Variants in CORIN observed in about 807,000 individuals in gnomAD.
The protein encoded by CORIN is corin, serine peptidase.
In CORIN, 117 loss-of-function variants were observed where a neutral mutation model predicts 125.3. The observed-to-expected ratio is 0.93, with a 90% CI of 0.80 to 1.09. CORIN has a LOEUF of 1.09. Among genes scored for constraint, CORIN ranks in the 50% least tolerant of loss-of-function variants. The probability of loss-of-function intolerance (pLI) is 0.00; values close to 1 mark genes in which losing one functional copy is unlikely to be tolerated. For missense variants in CORIN, 1,253 were observed against 1,306.7 expected, an observed-to-expected ratio of 0.96 and a Z score of 0.63; for synonymous variants, 450 against 466.4, an observed-to-expected ratio of 0.96 and a Z score of 0.45.
At chr4:47,761,844 T>C (rs1339338988) in intron 4 of CORIN, among the ~76,000 whole-genome samples, 1 of 152,074 alleles carries the variant, frequency 6.6e-6, no homozygotes, top group Admixed American at 6.5e-5. Context: ...TATTGTATTC[T>C]TAGCTGGTCA....
intron 3 of CORIN, among the ~76,000 whole-genome samples, chr4:47,764,165 T>A (rs1372942011): frequency 6.6e-6 from 1 of 152,242 alleles, no homozygotes; most frequent in Non-Finnish European, 1.5e-5. Context: ...CAACGGATGA[T>A]GCTCATAATA....
intron 13 of CORIN, among the ~76,000 whole-genome samples, chr4:47,650,587 T>C (rs1723693933): frequency 6.6e-6 from 1 of 152,234 alleles, no homozygotes; most frequent in Non-Finnish European, 1.5e-5. Flanking sequence ...TCCTTAGCTC[T>C]CCTTTCTTTG....
At chr4:47,641,855 T>C (rs1723242076) in intron 16 of CORIN, 65 bp downstream of exon 16, 10 of 1,573,478 alleles carry the variant, frequency 6.4e-6, no homozygotes, top group Middle Eastern at 1.7e-4. Context: ...CTAAGGAAGA[T>C]ATTACTGCCA....
intron 5 of CORIN, among the ~76,000 whole-genome samples, chr4:47,725,467 A>G (rs985074350): frequency 6.6e-6 from 1 of 152,144 alleles, no homozygotes; most frequent in Admixed American, 6.5e-5. Context: ...AAATAGACCC[A>G]CGAGAATAAG....
At chr4:47,729,849 TGGCAGAGAAAGA>T (rs1727782902) in intron 5 of CORIN, among the ~76,000 whole-genome samples, 1 of 152,078 alleles carries the variant, frequency 6.6e-6, no homozygotes, top group African/African-American at 2.4e-5. Flanking sequence ...CGGAATAACT[TGGCAGAGAAAGA>T]GAGAAGAGAG....
intron 5 of CORIN, among the ~76,000 whole-genome samples, chr4:47,734,703 G>C (rs925525525): frequency 6.6e-6 from 1 of 152,134 alleles, no homozygotes; most frequent in Non-Finnish European, 1.5e-5. Flanking sequence ...CCTGGACCAC[G>C]GTTTCTCAAA....
At chr4:47,669,821 G>A (rs149885182) in intron 10 of CORIN, among the ~76,000 whole-genome samples, 5,265 of 151,990 alleles carry the variant, frequency 0.035, 284 homozygotes, top group African/African-American at 0.12. Context: ...TGCCCGCCTC[G>A]GCCTCCCAAA....
chr4:47,612,268 A>T (rs909320521), intron 19 of CORIN, among the ~76,000 whole-genome samples: 8 of 151,876 alleles, frequency 5.3e-5, no homozygotes, highest in African/African-American at 1.9e-4. Flanking sequence ...GTGTCACATC[A>T]CAAGCCCTGC....
At chr4:47,731,062 T>C (rs1276685809) in intron 5 of CORIN, among the ~76,000 whole-genome samples, 3 of 151,946 alleles carry the variant, frequency 2.0e-5, no homozygotes, top group African/African-American at 4.8e-5. Context: ...ACCACTAAAA[T>C]TTACAGACAA....
chr4:47,651,324 A>T (rs1723722580), intron 13 of CORIN, among the ~76,000 whole-genome samples: 1 of 152,276 alleles, frequency 6.6e-6, no homozygotes, highest in Non-Finnish European at 1.5e-5. Context: ...GGTGAAACCC[A>T]GCTTTGCTGG....
intron 5 of CORIN, chr4:47,706,330 C>T (rs1726547693): frequency 6.9e-7 from 1 of 1,458,334 alleles, no homozygotes; most frequent in Admixed American, 1.7e-5. Flanking sequence ...AAACTACCAA[C>T]TTTTGCCTTT....
intron 11 of CORIN, 118 bp downstream of exon 11, chr4:47,664,914 T>C (rs1399153173): frequency 4.1e-5 from 25 of 606,170 alleles, no homozygotes; most frequent in Middle Eastern, 6.5e-4. Context: ...AAATATAAAG[T>C]ATTTGATAAA....
chr4:47,776,537 A>C (rs568381299), intron 3 of CORIN, among the ~76,000 whole-genome samples: 2 of 152,380 alleles, frequency 1.3e-5, no homozygotes, highest in East Asian at 3.9e-4. Flanking sequence ...AACAGCCATC[A>C]GGACATCATA....
At chr4:47,603,945 A>G (rs1721548170) in intron 19 of CORIN, among the ~76,000 whole-genome samples, 1 of 152,198 alleles carries the variant, frequency 6.6e-6, no homozygotes, top group African/African-American at 2.4e-5. Flanking sequence ...TACTTGCTTC[A>G]CAGAATGAGC....
At chr4:47,709,091 C>T (rs1009353702) in intron 5 of CORIN, among the ~76,000 whole-genome samples, 2 of 152,036 alleles carry the variant, frequency 1.3e-5, no homozygotes, top group Non-Finnish European at 1.5e-5. Flanking sequence ...TTCCATTTGT[C>T]GTTAACAACC....
At chr4:47,724,710 C>T (rs908420253) in intron 5 of CORIN, among the ~76,000 whole-genome samples, 3 of 152,130 alleles carry the variant, frequency 2.0e-5, no homozygotes, top group Admixed American at 6.6e-5. Context: ...AGAAAAACTA[C>T]GTGATCATGC....
At chr4:47,800,776 C>G (rs1274845979) in intron 2 of CORIN, among the ~76,000 whole-genome samples, 4 of 152,200 alleles carry the variant, frequency 2.6e-5, no homozygotes, top group African/African-American at 4.8e-5. Flanking sequence ...CTGTCTTCCT[C>G]TTACTTGGTC....
At chr4:47,750,563 C>A (rs983869395) in intron 4 of CORIN, among the ~76,000 whole-genome samples, 1 of 152,150 alleles carries the variant, frequency 6.6e-6, no homozygotes, top group African/African-American at 2.4e-5. Context: ...CTGCAGGGAG[C>A]TGTTAGCACC....
chr4:47,659,260 A>T (rs551524506), intron 12 of CORIN, among the ~76,000 whole-genome samples: 2 of 152,196 alleles, frequency 1.3e-5, no homozygotes, highest in East Asian at 3.9e-4. Flanking sequence ...GAGCTCTCCA[A>T]ACTCTTCCAA....
Sources: allele counts gnomAD v4.1 joint callset (sites outside exome capture counted in the v4.1 genomes callset), GRCh38; gene constraint gnomAD v4.1.1; transcripts MANE v1.5; gene names NCBI Gene and HGNC (gene_info 2026-07-23, HGNC 2026-07-21).